Variants in SLC12A7 observed in about 807,000 individuals in gnomAD.
SLC12A7 encodes the protein solute carrier family 12 member 7, also known as K-Cl cotransporter 4.
Under a neutral mutation model 120.6 loss-of-function variants are expected in SLC12A7, and 100 were observed. The ratio of observed to expected loss-of-function variants is 0.83; its 90% CI spans 0.71 to 0.98. SLC12A7 has a LOEUF of 0.98. Ranked by LOEUF, SLC12A7 falls within the 50% of genes least tolerant of loss-of-function variation. SLC12A7 has a pLI of 0.00. For synonymous variants in SLC12A7, 760 were observed against 678.0 expected, an observed-to-expected ratio of 1.12 and a Z score of -1.88; for missense variants, 1,373 against 1,548.1, an observed-to-expected ratio of 0.89 and a Z score of 1.90.
chr5:1,065,980 C>T (rs1737009389), intron 17 of SLC12A7, among the ~76,000 whole-genome samples: 1 of 152,144 alleles, frequency 6.6e-6, no homozygotes, highest in Non-Finnish European at 1.5e-5. Context: ...GAGGGGGTCA[C>T]TGCTGTGTGC....
the SLC12A7 span, among the ~76,000 whole-genome samples, chr5:1,154,354 A>AGCACACACAC: frequency 9.2e-5 from 13 of 141,810 alleles, no homozygotes; most frequent in African/African-American, 2.9e-4. Context: ...TGGTGTCCGC[A>AGCACACACAC]ACACACACAC....
upstream of SLC12A7, among the ~76,000 whole-genome samples, chr5:1,112,274 C>T (rs1743084469): frequency 6.6e-6 from 1 of 150,922 alleles, no homozygotes; most frequent in Non-Finnish European, 1.5e-5. Context: ...CGAATCCCCG[C>T]TCAGTCTCCT....
chr5:1,093,821 G>A (rs917970022), intron 2 of SLC12A7, among the ~76,000 whole-genome samples, 166 bp from the exon 3 acceptor site: 4 of 152,306 alleles, frequency 2.6e-5, no homozygotes, highest in African/African-American at 9.6e-5. Flanking sequence ...GTCTGAGTCC[G>A]AGGCCAGGGC....
chr5:1,078,090 G>C, intron 11 of SLC12A7, 83 bp from the exon 12 acceptor site: 2 of 1,458,106 alleles, frequency 1.4e-6, no homozygotes, highest in Non-Finnish European at 1.8e-6. Flanking sequence ...CCCAGAGCGA[G>C]GGGCCCAGTG....
At chr5:1,079,535 A>G (rs765160312) in intron 9 of SLC12A7, 39 bp from the exon 10 acceptor site, 1 of 1,528,990 alleles carries the variant, frequency 6.5e-7, no homozygotes, top group Admixed American at 1.7e-5. Flanking sequence ...CCATCTGAGG[A>G]GTCAGTGCCA....
chr5:1,122,177 C>T, the SLC12A7 span, among the ~76,000 whole-genome samples: 1 of 152,176 alleles, frequency 6.6e-6, no homozygotes, highest in African/African-American at 2.4e-5. Context: ...TCCTTGGGAA[C>T]TTTCCCTGCC....
chr5:1,100,248 G>A (rs906860814), intron 1 of SLC12A7, among the ~76,000 whole-genome samples: 3 of 152,202 alleles, frequency 2.0e-5, no homozygotes, highest in Admixed American at 6.5e-5. Flanking sequence ...GGTACCCTCC[G>A]CGCCGCCTGA....
At chr5:1,088,803 C>T (rs533513808) in intron 4 of SLC12A7, among the ~76,000 whole-genome samples, 179 bp downstream of exon 4, 5 of 152,206 alleles carry the variant, frequency 3.3e-5, no homozygotes, top group Middle Eastern at 3.4e-3. Context: ...GCCCGGCTCT[C>T]GTGGAGGAGA....
chr5:1,141,682 T>C, the SLC12A7 span, among the ~76,000 whole-genome samples: 1 of 152,328 alleles, frequency 6.6e-6, no homozygotes, highest in East Asian at 1.9e-4. Context: ...ATCCAGGTCC[T>C]CAGCCACAGC....
In SLC12A7 at chr5:1,085,422, C is replaced by T. The variant is rs1561079294; in HGVS notation, c.727G>A (p.Glu243Lys). The T allele has an allele frequency of 7.5e-6, 12 of 1,609,544 alleles. No homozygotes were observed. Among genetic ancestry groups the T allele is most frequent in the Non-Finnish European group, 4.2e-6 (5 of 1,178,726 alleles). ...AIFQAEAAGG[E>K]AAAMLHNMRV... ...ATGTTGTGCAGCATGGCGGCCGCCTCGCCACCTGCAGCCTCCGCCTGGAAG... is the reference window on the plus strand; with the variant it reads ...ATGTTGTGCAGCATGGCGGCCGCCTTGCCACCTGCAGCCTCCGCCTGGAAG... The change falls in exon 7 of 24, where the codon GAG becomes AAG. Residue 243 changes from glutamate to lysine, a missense_variant. Glu to Lys is a moderately conservative substitution (Grantham distance 56). Transcript: ENST00000264930.
chr5:1,109,748 C>A (rs6874041), intron 1 of SLC12A7, among the ~76,000 whole-genome samples: 1 of 152,162 alleles, frequency 6.6e-6, no homozygotes, highest in Non-Finnish European at 1.5e-5. Context: ...GCCCTCTCCA[C>A]GCCCACCTGG....
chr5:1,066,564 G>A (rs1737076878), intron 17 of SLC12A7, among the ~76,000 whole-genome samples: 1 of 152,226 alleles, frequency 6.6e-6, no homozygotes, highest in South Asian at 2.1e-4. Context: ...CCAGCCCCAG[G>A]AACCTGAGAA....
At chr5:1,069,990 C>CTTAT (rs1737496863) in intron 17 of SLC12A7, among the ~76,000 whole-genome samples, 1 of 120,874 alleles carries the variant, frequency 8.3e-6, no homozygotes, top group South Asian at 2.7e-4. Flanking sequence ...TCACACTTAA[C>CTTAT]GCAGCCCCCA....
chr5:1,097,119 C>T (rs896975833), intron 1 of SLC12A7, among the ~76,000 whole-genome samples: 19 of 152,212 alleles, frequency 1.2e-4, no homozygotes, highest in African/African-American at 4.3e-4. Flanking sequence ...GCCCGGCCTA[C>T]ATCCCTTCTG....
In SLC12A7 at chr5:1,064,112, G is replaced by GCAT; in HGVS notation, c.2575_2577dup (p.Met859dup). The GCAT allele has an allele frequency of 6.2e-7, 1 of 1,609,750 alleles. No individual in the cohort carries two copies. The highest frequency in any genetic ancestry group is 1.1e-5 in the South Asian group (1 of 90,886). ...TGCTGGCGCAGCAGGAAGGGCAGCA[G>GCAT]CATGAGCATGCCGCCGTCGTGCACG... On this transcript the variant is annotated inframe_insertion, in exon 19 of 24. Transcript: ENST00000264930.
intron 18 of SLC12A7, among the ~76,000 whole-genome samples, chr5:1,064,870 C>CGAGGAGATGGT (rs1561043354): frequency 1.2e-5 from 1 of 84,180 alleles, no homozygotes; most frequent in African/African-American, 4.2e-5. Flanking sequence ...GAGGGGACAG[C>CGAGGAGATGGT]GAGGGGACGG....
chr5:1,154,815 C>T, the SLC12A7 span, among the ~76,000 whole-genome samples: 2 of 152,234 alleles, frequency 1.3e-5, no homozygotes, highest in Non-Finnish European at 2.9e-5. Flanking sequence ...GGCAAGACAT[C>T]GCAGTAACCG....
chr5:1,080,993 G>C (rs1367045348), intron 9 of SLC12A7, among the ~76,000 whole-genome samples: 2 of 127,746 alleles, frequency 1.6e-5, no homozygotes, highest in Admixed American at 7.6e-5. Flanking sequence ...TACAGAGAGA[G>C]AGACAGAGAG....
At chr5:1,135,147 C>T in the SLC12A7 span, among the ~76,000 whole-genome samples, 1 of 152,168 alleles carries the variant, frequency 6.6e-6, no homozygotes, top group Non-Finnish European at 1.5e-5. Flanking sequence ...CATTCACCTT[C>T]CTGAGCCTCG....
Sources: gnomAD v4.1 joint callset for allele counts (sites outside exome capture counted in the v4.1 genomes callset) on GRCh38, gnomAD v4.1.1 for gene constraint, MANE v1.5 for transcripts, NCBI Gene and HGNC (gene_info 2026-07-23, HGNC 2026-07-21) for gene names.